ARK2N: variants seen among roughly 807,000 people sequenced by gnomAD.
The protein encoded by ARK2N is protein ARK2N.
chr18:46,186,063 A>AT, the ARK2N span, among the ~76,000 whole-genome samples: 4 of 152,166 alleles, frequency 2.6e-5, no homozygotes, highest in African/African-American at 9.6e-5. Flanking sequence ...GAGGGGGGGC[A>AT]TTTTTTTGAA....
At chr18:46,238,942 T>G in the ARK2N span, among the ~76,000 whole-genome samples, 3 of 152,168 alleles carry the variant, frequency 2.0e-5, no homozygotes, top group African/African-American at 7.2e-5. Flanking sequence ...TTAAAAACCT[T>G]AATGGAAATA....
At chr18:46,263,045 A>G in the ARK2N span, 1 of 1,614,184 alleles carries the variant, frequency 6.2e-7, no homozygotes, top group South Asian at 1.1e-5. Flanking sequence ...ACTCCCCAGC[A>G]GACTTGGGCT....
At chr18:46,228,344 T>C in the ARK2N span, among the ~76,000 whole-genome samples, 1 of 152,198 alleles carries the variant, frequency 6.6e-6, no homozygotes, top group Admixed American at 6.5e-5. Flanking sequence ...CTTCAAGCAC[T>C]TAACAGGCTT....
chr18:46,249,291 G>A, the ARK2N span, among the ~76,000 whole-genome samples: 7 of 151,892 alleles, frequency 4.6e-5, no homozygotes, highest in African/African-American at 1.7e-4. Flanking sequence ...GTGCAGCGGC[G>A]CCATCTCAGC....
At chr18:46,225,254 G>A in the ARK2N span, among the ~76,000 whole-genome samples, 1 of 152,180 alleles carries the variant, frequency 6.6e-6, no homozygotes, top group African/African-American at 2.4e-5. Flanking sequence ...GCAGCCCTTT[G>A]GTTCTTACCT....
chr18:46,220,019 G>A, the ARK2N span, among the ~76,000 whole-genome samples: 1 of 152,048 alleles, frequency 6.6e-6, no homozygotes. Flanking sequence ...ATGGTCAGTG[G>A]GGAAAAGTTT....
At chr18:46,211,764 C>G in the ARK2N span, among the ~76,000 whole-genome samples, 5 of 152,162 alleles carry the variant, frequency 3.3e-5, no homozygotes, top group Non-Finnish European at 5.9e-5. Context: ...AAGTGCTGTT[C>G]TAATAGGAAA....
At chr18:46,232,724 A>G in the ARK2N span, 2 of 152,198 alleles carry the variant, frequency 1.3e-5, no homozygotes, top group Non-Finnish European at 2.9e-5. Flanking sequence ...TTAAATTACC[A>G]CAGTGTAAAA....
At chr18:46,201,684 T>C in the ARK2N span, among the ~76,000 whole-genome samples, 7 of 152,212 alleles carry the variant, frequency 4.6e-5, no homozygotes, top group East Asian at 1.9e-4. Context: ...GTGTTTTTTT[T>C]CCCCTAGATC....
At chr18:46,205,881 A>G in the ARK2N span, among the ~76,000 whole-genome samples, 1 of 151,982 alleles carries the variant, frequency 6.6e-6, no homozygotes, top group Admixed American at 6.6e-5. Context: ...ATGTGCTACC[A>G]TGCTCGGCTA....
At chr18:46,234,004 C>CT in the ARK2N span, among the ~76,000 whole-genome samples, 2 of 151,986 alleles carry the variant, frequency 1.3e-5, no homozygotes, top group Non-Finnish European at 2.9e-5. Context: ...GTATTTAAGG[C>CT]TTTTTTCTGG....
the ARK2N span, chr18:46,215,986 G>A: frequency 6.2e-7 from 1 of 1,613,994 alleles, no homozygotes; most frequent in African/African-American, 1.3e-5. Context: ...TGGATCTGTA[G>A]AACTGGAATC....
the ARK2N span, chr18:46,218,928 G>A: frequency 3.9e-5 from 6 of 152,146 alleles, no homozygotes; most frequent in Non-Finnish European, 8.8e-5. Context: ...AGTAAAAACC[G>A]ATTATTGCCA....
At chr18:46,205,110 G>A in the ARK2N span, among the ~76,000 whole-genome samples, 16 of 151,976 alleles carry the variant, frequency 1.1e-4, no homozygotes, top group African/African-American at 3.9e-4. Context: ...TTTTTACCAT[G>A]TTGCCCATGC....
the ARK2N span, among the ~76,000 whole-genome samples, chr18:46,208,312 G>T: frequency 6.6e-6 from 1 of 151,950 alleles, no homozygotes; most frequent in Non-Finnish European, 1.5e-5. Flanking sequence ...ACATACACAG[G>T]TTCTTATAAT....
chr18:46,252,498 T>G, the ARK2N span, among the ~76,000 whole-genome samples: 3 of 152,028 alleles, frequency 2.0e-5, no homozygotes, highest in African/African-American at 7.2e-5. Flanking sequence ...ATGGTCTTGA[T>G]CTCTTGACCT....
At chr18:46,189,579 T>C in the ARK2N span, among the ~76,000 whole-genome samples, 1 of 152,208 alleles carries the variant, frequency 6.6e-6, no homozygotes, top group African/African-American at 2.4e-5. Flanking sequence ...GCACATGCTA[T>C]GGTGCCCAGA....
At chr18:46,219,714 C>T in the ARK2N span, among the ~76,000 whole-genome samples, 2 of 152,186 alleles carry the variant, frequency 1.3e-5, no homozygotes, top group South Asian at 4.1e-4. Context: ...TTGTGATCCG[C>T]TTGCCTTGGC....
the ARK2N span, among the ~76,000 whole-genome samples, chr18:46,175,188 G>C: frequency 7.7e-6 from 1 of 130,192 alleles, no homozygotes; most frequent in Non-Finnish European, 1.5e-5. Flanking sequence ...AGAGAACATC[G>C]GTACGAGCCC....
Sources: gnomAD v4.1 joint callset for allele counts (sites outside exome capture counted in the v4.1 genomes callset) on GRCh38, gnomAD v4.1.1 for gene constraint, MANE v1.5 for transcripts, NCBI Gene and HGNC (gene_info 2026-07-23, HGNC 2026-07-21) for gene names.